Variants in PTGFRN observed in about 807,000 individuals in gnomAD.
PTGFRN encodes the protein prostaglandin F2 receptor negative regulator.
PTGFRN carries 35 observed loss-of-function variants against 83.2 expected under a neutral mutation model. That is an observed-to-expected ratio of 0.42 (90% CI 0.32 to 0.56). The LOEUF is 0.56. Ranked by LOEUF, PTGFRN falls within the 20% of genes least tolerant of loss-of-function variation. The pLI is 0.11. For missense variants in PTGFRN, 1,051 were observed against 1,179.5 expected (o/e 0.89, Z 1.60); for synonymous variants, 519 against 498.6 (o/e 1.04, Z -0.55).
intron 7 of PTGFRN, among the ~76,000 whole-genome samples, chr1:116,978,946 G>A (rs911149564): frequency 6.6e-6 from 1 of 152,140 alleles, no homozygotes; most frequent in African/African-American, 2.4e-5. Context: ...CCTGTTTGCA[G>A]ATGACATGAT....
intron 1 of PTGFRN, among the ~76,000 whole-genome samples, chr1:116,928,724 C>T (rs1256217492): frequency 2.0e-5 from 3 of 152,190 alleles, no homozygotes; most frequent in African/African-American, 7.2e-5. Context: ...TCTTTAGCAT[C>T]TGAACTCCTT....
chr1:116,976,826 A>G (rs1055452866), intron 7 of PTGFRN, among the ~76,000 whole-genome samples: 1 of 152,218 alleles, frequency 6.6e-6, no homozygotes, highest in Non-Finnish European at 1.5e-5. Context: ...TAACGAGCAA[A>G]ATAACTAGCT....
At chr1:116,914,205 G>A (rs1345192526) in intron 1 of PTGFRN, among the ~76,000 whole-genome samples, 1 of 152,174 alleles carries the variant, frequency 6.6e-6, no homozygotes, top group Non-Finnish European at 1.5e-5. Flanking sequence ...TTTGGTAGTC[G>A]TCATCACCAT....
intron 7 of PTGFRN, among the ~76,000 whole-genome samples, chr1:116,975,199 G>A (rs528428245): frequency 1.3e-5 from 2 of 152,346 alleles, no homozygotes; most frequent in East Asian, 3.9e-4. Context: ...CATTGCTGAG[G>A]CTTAAGTAGG....
rs1352972137 is a variant in PTGFRN, at chr1:116,961,539, A to G, written c.1510A>G (p.Arg504Gly). 1.2e-6 allele frequency: 2 copies of G among 1,614,098 alleles called. No homozygotes were observed. The highest frequency in any genetic ancestry group is 1.7e-6 in the Non-Finnish European group (2 of 1,180,050). Reference sequence around the variant, plus strand: ...AGACACGTTCAATTTCCGGATCCAAAGGACTACAGAGGAAGACAGAGGCAA... The same window carrying G: ...AGACACGTTCAATTTCCGGATCCAAGGGACTACAGAGGAAGACAGAGGCAA... ...HTDTFNFRIQ[R>G]TTEEDRGNYY... is the part of the protein sequence containing the mutation. Residue 504 changes from arginine (R) to glycine (G), a missense_variant, in exon 5 of 9, where the codon AGG becomes GGG. Transcript: ENST00000393203. The surrounding 1 kb of genome is among the most constrained non-coding windows in gnomAD (Gnocchi z 5.4).
chr1:116,916,146 G>A (rs941012518), intron 1 of PTGFRN, among the ~76,000 whole-genome samples: 1 of 152,182 alleles, frequency 6.6e-6, no homozygotes, highest in African/African-American at 2.4e-5. Flanking sequence ...TCACTAAGCA[G>A]CATGATTCAA....
At chr1:116,977,286 C>A (rs548661820) in intron 7 of PTGFRN, among the ~76,000 whole-genome samples, 2 of 152,246 alleles carry the variant, frequency 1.3e-5, no homozygotes, top group Non-Finnish European at 2.9e-5. Flanking sequence ...GACTTTAACA[C>A]CCCACTGTCA....
chr1:116,982,419 G>T (rs188631167), intron 7 of PTGFRN, among the ~76,000 whole-genome samples: 2 of 152,270 alleles, frequency 1.3e-5, no homozygotes, highest in Non-Finnish European at 2.9e-5. Flanking sequence ...CACACATGCT[G>T]TGGGCTGTGA....
At chr1:116,924,143 ATTTTTTTTTTT>A (rs147663868) in intron 1 of PTGFRN, among the ~76,000 whole-genome samples, 4 of 116,130 alleles carry the variant, frequency 3.4e-5, no homozygotes, top group East Asian at 2.4e-4. Context: ...CTGTGCATGT[ATTTTTTTTTTT>A]TTTTTTTTTT....
chr1:116,967,363 A>C, intron 6 of PTGFRN, 33 bp downstream of exon 6: 1 of 1,576,472 alleles, frequency 6.3e-7, no homozygotes, highest in Non-Finnish European at 8.6e-7. Context: ...TCATAGGTGG[A>C]GCTAGAAGAG....
rs1461085041 is a variant in PTGFRN, at chr1:116,918,205, A to C, written c.49+7953A>C. Among the ~76,000 whole-genome samples, 2 of 152,210 alleles carry C rather than the reference A, an allele frequency of 1.3e-5. No individual in the cohort carries two copies. Among genetic ancestry groups the C allele is most frequent in the African/African-American group, 4.8e-5 (2 of 41,444 alleles). ...CCAGCCTTACTTCATCTCCCAATTA[A>C]AAGAGGAAAAAATAGGATTCAGGCT... On this transcript the variant is annotated intron_variant, in intron 1 of 8. Coordinates refer to ENST00000393203, the MANE Select transcript of PTGFRN (RefSeq NM_020440.4). The surrounding 1 kb of genome is among the most constrained non-coding windows in gnomAD (Gnocchi z 4.1).
At position 116,961,513 on chromosome 1, in the gene PTGFRN, C is replaced by G. The variant is rs1258225226; in HGVS notation, c.1484C>G (p.Thr495Arg). ...DGDFIFSKEH[T>R]DTFNFRIQRT... ...GACTTTATTTTTTCTAAGGAACATA[C>G]AGACACGTTCAATTTCCGGATCCAA... The change falls in exon 5 of 9, where the codon ACA (threonine) becomes AGA (arginine). Residue 495 changes from threonine to arginine, a missense_variant. By Grantham distance (71) the Thr-to-Arg change is moderately conservative (BLOSUM62 -1). This residue lies in a region of PTGFRN where 719 missense variants were observed against 836.6 expected (regional missense o/e 0.86). Coordinates refer to ENST00000393203, the MANE Select transcript of PTGFRN (RefSeq NM_020440.4). This position sits in a 1 kb window ranked among gnomAD's most constrained non-coding sequence, Gnocchi z 5.4. The G allele has an allele frequency of 6.2e-7, 1 of 1,614,128 alleles. No individual in the cohort carries two copies. Among genetic ancestry groups the G allele is most frequent in the Non-Finnish European group, 8.5e-7 (1 of 1,180,016 alleles).
chr1:116,961,108 T>G lies in PTGFRN; in HGVS notation c.1214-135T>G. On this transcript the variant is annotated intron_variant, in intron 4 of 8. Coordinates refer to ENST00000393203, the MANE Select transcript of PTGFRN (RefSeq NM_020440.4). The surrounding 1 kb of genome is among the most constrained non-coding windows in gnomAD (Gnocchi z 5.4). ...GGATCCTATCCAATGCAACGACTGA[T>G]TTCTGTCTCTCTAGTCCGGCAGGAG... 1 of 1,000,518 alleles carries G rather than the reference T, an allele frequency of 1.0e-6. No individual in the cohort carries two copies. Among genetic ancestry groups the G allele is most frequent in the Non-Finnish European group, 1.4e-6 (1 of 729,920 alleles). 62.0% of individuals were successfully genotyped at this position (1,000,518 alleles called of 1,614,324 possible).
At position 116,987,093 on chromosome 1, in the gene PTGFRN, T is replaced by C; in HGVS notation, c.*126T>C. 1 of 1,122,226 alleles carries C rather than the reference T, an allele frequency of 8.9e-7. No individual in the cohort carries two copies. The allele number at this position is 1,122,226 out of a possible 1,614,324, so 69.5% of individuals were successfully genotyped here. ...GTCCTCTCTAATCTCAGGTGGGACT[T>C]GGCGCTCTCTCTTTTCTGCATGTCA... is the stretch of plus-strand genomic sequence containing the variant. On this transcript the variant is annotated 3_prime_UTR_variant, in exon 9 of 9. Transcript: ENST00000393203.
chr1:116,963,557 G>GT (rs1017746620), intron 5 of PTGFRN, among the ~76,000 whole-genome samples: 1 of 152,058 alleles, frequency 6.6e-6, no homozygotes, highest in African/African-American at 2.4e-5. Flanking sequence ...GTTTCCTTGG[G>GT]TTTTTTAAGA....
rs754801499 is a variant in PTGFRN at position 116,949,571 on chromosome 1, A to C, written c.1212A>C (p.Leu404=). ...CAGCTGGTGTGGGTGTGACCTGGCT[A>C]GGTGAGTGGTTTGGAGAATGACTCT... ...SSPAGVGVTW[L]EPDYQVYLNA... is the part of the protein sequence containing the mutation. The change falls in exon 4 of 9, where the codon CTA becomes CTC. Residue 404 remains leucine, a splice_region_variant and synonymous_variant. Transcript: ENST00000393203. 6.2e-7 allele frequency: 1 copy of C among 1,610,932 alleles called. No homozygotes were observed. The highest frequency in any genetic ancestry group is 8.5e-7 in the Non-Finnish European group (1 of 1,178,688).
At position 116,958,633 on chromosome 1, in the gene PTGFRN, G is replaced by A. The variant is rs147687307; in HGVS notation, c.1214-2610G>A. Among the ~76,000 whole-genome samples the A allele has an allele frequency of 6.1e-4, 93 of 152,264 alleles. No homozygotes were observed. Among genetic ancestry groups the A allele is most frequent in the African/African-American group, 2.2e-3 (91 of 41,558 alleles). On this transcript the variant is annotated intron_variant, in intron 4 of 8. Coordinates refer to ENST00000393203, the MANE Select transcript of PTGFRN (RefSeq NM_020440.4). This position sits in a 1 kb window ranked among gnomAD's most constrained non-coding sequence, Gnocchi z 4.9. ...CACCAGTCTAGGCATTTTAAGTACA[G>A]TATATTTTAACTCTTAACCCTCACA...
Position 116,986,888 on chromosome 1 carries a change from G to C in PTGFRN, c.2561G>C (p.Ser854Thr). Residue 854 changes from serine (S) to threonine (T), a missense_variant, in exon 9 of 9, where the codon AGC (serine) becomes ACC (threonine). By Grantham distance (58) the Ser-to-Thr change is moderately conservative. Around this residue, in one of 3 missense-constraint regions of PTGFRN, gnomAD observed 719 missense variants for 836.6 expected, o/e 0.86. Transcript: ENST00000393203. ...CTGTCCTGTCTCATCGGGTACTGCA[G>C]CTCCCACTGGTGTTGTAAGAAGGAG... Reference protein sequence around the residue: ...GLLSCLIGYCSSHWCCKKEVQ... With the variant: ...GLLSCLIGYCTSHWCCKKEVQ... The C allele has an allele frequency of 6.2e-7, 1 of 1,614,252 alleles. No homozygotes were observed. Among genetic ancestry groups the C allele is most frequent in the Non-Finnish European group, 8.5e-7 (1 of 1,180,048 alleles).
intron 6 of PTGFRN, among the ~76,000 whole-genome samples, chr1:116,971,297 T>C (rs577830337): frequency 1.3e-5 from 2 of 152,320 alleles, no homozygotes; most frequent in East Asian, 3.9e-4. Flanking sequence ...CATTACCCTA[T>C]TGATGGACAT....
Sources: allele counts gnomAD v4.1 joint callset (sites outside exome capture counted in the v4.1 genomes callset), GRCh38; gene constraint gnomAD v4.1.1; regional missense constraint gnomAD v4.1.1; non-coding constraint Gnocchi (gnomAD v3.1); transcripts MANE v1.5; gene names NCBI Gene and HGNC (gene_info 2026-07-23, HGNC 2026-07-21).